ZNF385D: variants seen among roughly 807,000 people sequenced by gnomAD.
ZNF385D encodes zinc finger protein 385D.
In ZNF385D, 15 loss-of-function variants were observed where a neutral mutation model predicts 35.8. The ratio of observed to expected loss-of-function variants is 0.42; its 90% CI spans 0.28 to 0.64. The LOEUF is 0.64. Ranked by LOEUF, ZNF385D falls within the 30% of genes least tolerant of loss-of-function variation. The probability of loss-of-function intolerance (pLI) is 0.23; values close to 1 mark genes in which losing one functional copy is unlikely to be tolerated. For synonymous variants in ZNF385D, 212 were observed against 186.8 expected, an observed-to-expected ratio of 1.13 and a Z score of -1.10; for missense variants, 474 against 494.6, an observed-to-expected ratio of 0.96 and a Z score of 0.39.
chr3:22,333,292 T>C (rs898089099), intron 2 of ZNF385D, among the ~76,000 whole-genome samples: 5 of 152,178 alleles, frequency 3.3e-5, no homozygotes, highest in African/African-American at 1.2e-4. Context: ...TTAGTCTTTA[T>C]CCAGATGTTT....
At chr3:21,645,876 G>C (rs754837421) in intron 2 of ZNF385D, among the ~76,000 whole-genome samples, 7 of 152,104 alleles carry the variant, frequency 4.6e-5, no homozygotes, top group Non-Finnish European at 7.4e-5. Context: ...TATGTATAGA[G>C]AAAAACTGTA....
intron 2 of ZNF385D, among the ~76,000 whole-genome samples, chr3:22,214,951 T>C (rs1221587271): frequency 1.3e-5 from 2 of 151,962 alleles, no homozygotes; most frequent in Non-Finnish European, 2.9e-5. Context: ...AAATGACTAA[T>C]AAAACTTGCT....
At chr3:22,033,912 T>A (rs554819654) in intron 3 of ZNF385D, among the ~76,000 whole-genome samples, 1 of 152,164 alleles carries the variant, frequency 6.6e-6, no homozygotes, top group Non-Finnish European at 1.5e-5. Context: ...CCCAGTACTT[T>A]CCTTGTTTTA....
intron 2 of ZNF385D, among the ~76,000 whole-genome samples, chr3:21,620,194 G>T (rs2064963876): frequency 6.6e-6 from 1 of 152,104 alleles, no homozygotes; most frequent in Non-Finnish European, 1.5e-5. Context: ...AGCGATCTCT[G>T]GCTGCTTTGT....
Position 21,718,799 on chromosome 3 carries a change from C to A in ZNF385D, c.22+32096G>T, listed in dbSNP as rs1000850468. ...CTGAATGGAGAATGTTCAGGCCAAACTGACAATCACAACTGAATCAATTTT... is the reference window on the plus strand; with the variant it reads ...CTGAATGGAGAATGTTCAGGCCAAAATGACAATCACAACTGAATCAATTTT... On this transcript the variant is annotated intron_variant, in intron 1 of 7. Transcript: ENST00000281523. 1.3e-5 allele frequency among the ~76,000 whole-genome samples: 2 copies of A among 152,170 alleles called. 1 individual carries two copies. The highest frequency in any genetic ancestry group is 4.8e-5 in the African/African-American group (2 of 41,448).
At chr3:21,681,544 T>A (rs2066908169) in intron 1 of ZNF385D, among the ~76,000 whole-genome samples, 1 of 151,784 alleles carries the variant, frequency 6.6e-6, no homozygotes, top group South Asian at 2.1e-4. Flanking sequence ...CTCAAATAAA[T>A]CTGTTTTACC....
At chr3:21,570,353 G>A (rs2063298011) in intron 2 of ZNF385D, among the ~76,000 whole-genome samples, 1 of 152,172 alleles carries the variant, frequency 6.6e-6, no homozygotes, top group Non-Finnish European at 1.5e-5. Context: ...CAGGGGACAT[G>A]CTTCAAGTAC....
At chr3:22,234,318 C>A (rs192405465) in intron 2 of ZNF385D, among the ~76,000 whole-genome samples, 141 of 152,196 alleles carry the variant, frequency 9.3e-4, no homozygotes, top group African/African-American at 3.3e-3. Flanking sequence ...CTTCATCCAG[C>A]AATTCAATAA....
At chr3:22,026,644 C>T (rs771729849) in intron 3 of ZNF385D, among the ~76,000 whole-genome samples, 6 of 152,216 alleles carry the variant, frequency 3.9e-5, no homozygotes, top group Non-Finnish European at 5.9e-5. Context: ...ACATATTTAG[C>T]AGCTGGCAGA....
In ZNF385D at chr3:22,343,093, T is replaced by A. The variant is rs114946911; in HGVS notation, c.106+29357A>T. On this transcript the variant is annotated intron_variant, in intron 2 of 5. Coordinates refer to the ZNF385D transcript ENST00000494108. Reference sequence around the variant, plus strand: ...TTTAACGATACATATTTGGAGATATTTGGTTAAAGTATTTACATTTTCCTG... The same window carrying A: ...TTTAACGATACATATTTGGAGATATATGGTTAAAGTATTTACATTTTCCTG... Among the ~76,000 whole-genome samples the A allele has an allele frequency of 9.9e-3, 1,513 of 152,350 alleles. 33 individuals carry two copies. Among genetic ancestry groups the A allele is most frequent in the African/African-American group, 0.034 (1,397 of 41,578 alleles).
intron 1 of ZNF385D, among the ~76,000 whole-genome samples, chr3:21,717,987 G>A (rs1026190729): frequency 6.6e-6 from 1 of 152,294 alleles, no homozygotes; most frequent in East Asian, 1.9e-4. Context: ...CTGGTGAGTT[G>A]CATCTCAAAG....
chr3:21,497,886 C>A (rs181672965), intron 4 of ZNF385D, among the ~76,000 whole-genome samples: 2 of 151,674 alleles, frequency 1.3e-5, no homozygotes, highest in Admixed American at 6.6e-5. Flanking sequence ...AAAACTCTTA[C>A]GGAACCAGAA....
At chr3:21,665,559 G>A (rs1230441365) in intron 1 of ZNF385D, among the ~76,000 whole-genome samples, 2 of 152,144 alleles carry the variant, frequency 1.3e-5, no homozygotes, top group Non-Finnish European at 2.9e-5. Flanking sequence ...CTAGCAACTG[G>A]AGGATTAAAA....
At chr3:21,958,266 G>A (rs1702392733) in intron 3 of ZNF385D, among the ~76,000 whole-genome samples, 1 of 152,084 alleles carries the variant, frequency 6.6e-6, no homozygotes, top group Non-Finnish European at 1.5e-5. Flanking sequence ...CCTATATTTT[G>A]GAGTTAGGGA....
intron 3 of ZNF385D, among the ~76,000 whole-genome samples, chr3:21,519,382 C>A (rs749710439): frequency 5.3e-5 from 8 of 152,124 alleles, no homozygotes; most frequent in Non-Finnish European, 1.0e-4. Context: ...CTTCACCATT[C>A]CTTAACATTA....
At chr3:22,276,717 T>C (rs562539240) in intron 2 of ZNF385D, among the ~76,000 whole-genome samples, 13 of 152,286 alleles carry the variant, frequency 8.5e-5, no homozygotes, top group Admixed American at 4.6e-4. Flanking sequence ...TGCATCTCCA[T>C]TTTATGCACA....
intron 3 of ZNF385D, among the ~76,000 whole-genome samples, chr3:21,815,199 T>A (rs2073092760): frequency 6.6e-6 from 1 of 152,284 alleles, no homozygotes; most frequent in East Asian, 1.9e-4. Context: ...TAGAGGGGAA[T>A]TTATGGCACT....
At chr3:22,342,867 T>C (rs1695487470) in intron 2 of ZNF385D, among the ~76,000 whole-genome samples, 1 of 152,182 alleles carries the variant, frequency 6.6e-6, no homozygotes, top group Admixed American at 6.5e-5. Context: ...TCCTGACTAT[T>C]CCAAACCACA....
At chr3:21,636,232 T>A (rs1469448250) in intron 2 of ZNF385D, among the ~76,000 whole-genome samples, 1 of 147,200 alleles carries the variant, frequency 6.8e-6, no homozygotes. Flanking sequence ...TATTTTTTGA[T>A]TTTTTTTTAT....
Sources: allele counts gnomAD v4.1 joint callset (sites outside exome capture counted in the v4.1 genomes callset), GRCh38; gene constraint gnomAD v4.1.1; transcripts MANE v1.5; gene names NCBI Gene and HGNC (gene_info 2026-07-23, HGNC 2026-07-21).